TCHH: variants seen among roughly 807,000 people sequenced by gnomAD.
TCHH encodes the protein trichohyalin.
TCHH carries 6 observed loss-of-function variants against 6.3 expected under a neutral mutation model. The ratio of observed to expected loss-of-function variants is 0.95; its 90% CI spans 0.52 to 1.88. TCHH has a LOEUF of 1.88. Among genes scored for constraint, TCHH ranks in the 40% most tolerant of loss-of-function variants. The pLI, the probability that TCHH is intolerant of heterozygous loss-of-function variation, is 0.01. For synonymous variants in TCHH, 1,087 were observed against 963.6 expected, an observed-to-expected ratio of 1.13 and a Z score of -2.37; for missense variants, 2,920 against 2,449.1, an observed-to-expected ratio of 1.19 and a Z score of -4.06.
chr1:152,109,008 C>T lies in TCHH; in HGVS notation c.4209G>A (p.Glu1403=). The change falls in exon 3 of 3, where the codon GAG becomes GAA. Residue 1403 remains glutamate (E), a synonymous_variant. Coordinates refer to ENST00000614923, the MANE Select transcript of TCHH (RefSeq NM_007113.4). The part of the protein sequence containing the change: ...LKEEQQLRCQ[E]REQQLRQDRD... ...GGTCCTGACGCAGCTGTTGCTCGCG[C>T]TCCTGGCAGCGCAGCTGCTGTTCCT... 4 of 1,611,598 alleles carry T rather than the reference C, an allele frequency of 2.5e-6. No homozygotes were observed. Among genetic ancestry groups the T allele is most frequent in the Non-Finnish European group, 3.4e-6 (4 of 1,179,306 alleles).
chr1:152,108,470 A>G lies in TCHH; in HGVS notation c.4747T>C (p.Leu1583=). The change falls in exon 3 of 3, where the codon TTA becomes CTA. Residue 1583 remains leucine (L), a synonymous_variant. Coordinates refer to ENST00000614923, the MANE Select transcript of TCHH (RefSeq NM_007113.4). ...SRQERDRKFR[L]EEQKVRRQEQ... is the part of the protein sequence containing the mutation. ...TGGCGGCGCACTTTCTGTTCCTCTA[A>G]ACGGAATTTTCTGTCACGCTCTTGG... 6.8e-7 allele frequency: 1 copy of G among 1,468,428 alleles called. No individual in the cohort carries two copies. The highest frequency in any genetic ancestry group is 9.1e-7 in the Non-Finnish European group (1 of 1,101,438). The allele number at this position is 1,468,428 out of a possible 1,614,324, so 91.0% of individuals were successfully genotyped here. A position where few individuals can be genotyped will look rare whatever the true frequency, so the allele number is the denominator to read the frequency against.
Position 152,112,798 on chromosome 1 carries a change from T to G in TCHH, c.419A>C (p.Lys140Thr), listed in dbSNP as rs770478540. 4 of 1,614,012 alleles carry G rather than the reference T, an allele frequency of 2.5e-6. No homozygotes were observed. The highest frequency in any genetic ancestry group is 3.4e-6 in the Non-Finnish European group (4 of 1,180,004). ...EEEPGQRRRQKRQEQERELAE... is the reference protein window; with the variant it reads ...EEEPGQRRRQTRQEQERELAE... ...TAGCTCCCTCTCCTGTTCCTGCCTCTTCTGCCTGCGTCGTTGCCCAGGTTC... is the reference window on the plus strand; with the variant it reads ...TAGCTCCCTCTCCTGTTCCTGCCTCGTCTGCCTGCGTCGTTGCCCAGGTTC... The change falls in exon 3 of 3, where the codon AAG becomes ACG. Residue 140 changes from lysine (K) to threonine (T), a missense_variant. Physicochemically the swap from Lys to Thr is moderately conservative, Grantham distance 78. Transcript: ENST00000614923.
chr1:152,111,011 C>G lies in TCHH; in HGVS notation c.2206G>C (p.Glu736Gln). The G allele has an allele frequency of 6.2e-7, 1 of 1,613,640 alleles. No individual in the cohort carries two copies. The highest frequency in any genetic ancestry group is 8.5e-7 in the Non-Finnish European group (1 of 1,180,014). ...QEGQRRRQEQEEKRRRRESEL... is the reference protein window; with the variant it reads ...QEGQRRRQEQQEKRRRRESEL... ...CTCTCCCGGCGCCGCCTCTTTTCCTCCTGCTCTTGGCGGCGCCTCTGCCCT... is the reference window on the plus strand; with the variant it reads ...CTCTCCCGGCGCCGCCTCTTTTCCTGCTGCTCTTGGCGGCGCCTCTGCCCT... Residue 736 changes from glutamate to glutamine, a missense_variant, in exon 3 of 3, where the codon GAG becomes CAG. Glu to Gln is a conservative substitution (Grantham distance 29). Transcript: ENST00000614923.
chr1:152,109,269 C>G lies in TCHH; in HGVS notation c.3948G>C (p.Glu1316Asp). 1 of 1,614,220 alleles carries G rather than the reference C, an allele frequency of 6.2e-7. No individual in the cohort carries two copies. The highest frequency in any genetic ancestry group is 8.5e-7 in the Non-Finnish European group (1 of 1,180,046). Reference sequence around the variant, plus strand: ...TTTCCTCTCTCAGCAACTGCTTTTCCTCTTGGGACTTCCTGTCGCGCCTTT... The same window carrying G: ...TTTCCTCTCTCAGCAACTGCTTTTCGTCTTGGGACTTCCTGTCGCGCCTTT... ...EAKRRDRKSQ[E>D]EKQLLREERE... The change falls in exon 3 of 3, where the codon GAG (glutamate) becomes GAC (aspartate). Residue 1316 changes from glutamate to aspartate, a missense_variant. Physicochemically the swap from Glu to Asp is conservative, Grantham distance 45. Coordinates refer to ENST00000614923, the MANE Select transcript of TCHH (RefSeq NM_007113.4).
chr1:152,109,940 G>T lies in TCHH; in HGVS notation c.3277C>A (p.Leu1093Met). The change falls in exon 3 of 3, where the codon CTG becomes ATG. Residue 1093 changes from leucine (L) to methionine (M), a missense_variant. Physicochemically the swap from Leu to Met is conservative, Grantham distance 15. Transcript: ENST00000614923. The part of the protein sequence containing the change: ...EEELQQEEEQ[L>M]LREEPEKRRR... ...CTCTTCTCCGGTTCCTCTCTCAGCA[G>T]CTGCTCTTCCTCCTGCTGCAGCTCC... 2 of 1,582,158 alleles carry T rather than the reference G, an allele frequency of 1.3e-6. No homozygotes were observed. The highest frequency in any genetic ancestry group is 1.7e-6 in the Non-Finnish European group (2 of 1,166,586).
Position 152,111,557 on chromosome 1 carries a change from C to T in TCHH, c.1660G>A (p.Glu554Lys), listed in dbSNP as rs543956977. The T allele has an allele frequency of 2.3e-5, 36 of 1,597,350 alleles. No individual in the cohort carries two copies. In the South Asian group the frequency reaches 3.6e-4, roughly 16 times the overall value. Residue 554 changes from glutamate to lysine, a missense_variant, in exon 3 of 3, where the codon GAG (glutamate) becomes AAG (lysine). By Grantham distance (56) the Glu-to-Lys change is moderately conservative. Coordinates refer to ENST00000614923, the MANE Select transcript of TCHH (RefSeq NM_007113.4). ...ERREQLLKRE[E>K]EKRLEQERRE... ...CTCTCCTGCTCGAGCCTCTTCTCCTCCTCGCGCTTCAGCAGCTGCTCGCGC... is the reference window on the plus strand; with the variant it reads ...CTCTCCTGCTCGAGCCTCTTCTCCTTCTCGCGCTTCAGCAGCTGCTCGCGC...
chr1:152,109,083 C>T lies in TCHH; in HGVS notation c.4134G>A (p.Glu1378=), dbSNP rs1441810150. The T allele has an allele frequency of 1.9e-6, 3 of 1,613,432 alleles. No homozygotes were observed. The highest frequency in any genetic ancestry group is 1.7e-6 in the Non-Finnish European group (2 of 1,179,886). Residue 1378 remains glutamate, a synonymous_variant, in exon 3 of 3, where the codon GAG becomes GAA. Transcript: ENST00000614923. ...RHQEQGRKFL[E]EEQRLRRQER... ...CCTGGCGGCGCAGCCGCTGTTCCTC[C>T]TCGAGGAATTTTCTCCCTTGTTCCT...
In TCHH at chr1:152,107,504, C is replaced by T; in HGVS notation, c.5713G>A (p.Glu1905Lys). 1.2e-6 allele frequency: 2 copies of T among 1,614,222 alleles called. No individual in the cohort carries two copies. The highest frequency in any genetic ancestry group is 8.5e-7 in the Non-Finnish European group (1 of 1,180,044). Residue 1905 changes from glutamate (E) to lysine (K), a missense_variant, in exon 3 of 3, where the codon GAA (glutamate) becomes AAA (lysine). Transcript: ENST00000614923. ...AGAAGCCGCCCATGGCCCTTCCCTTCTTGGGATTTTATCTCCCCGACTTGG... is the reference window on the plus strand; with the variant it reads ...AGAAGCCGCCCATGGCCCTTCCCTTTTTGGGATTTTATCTCCCCGACTTGG... The part of the protein sequence containing the change: ...HRQVGEIKSQ[E>K]GKGHGRLLEP...
At position 152,111,767 on chromosome 1, in the gene TCHH, T is replaced by TCTC. The variant is rs753310394; in HGVS notation, c.1447_1449dup (p.Glu483dup). The stretch of plus-strand genomic sequence containing the variant: ...TCGAGCTTCAGCCAACGTTCGCGCC[T>TCTC]CTCCTCCTCCTGGTCGCGCTTCAGC... On this transcript the variant is annotated inframe_insertion, in exon 3 of 3. Coordinates refer to ENST00000614923, the MANE Select transcript of TCHH (RefSeq NM_007113.4). 121 of 1,547,872 alleles carry TCTC rather than the reference T, an allele frequency of 7.8e-5. No individual in the cohort carries two copies. The highest frequency in any genetic ancestry group is 1.0e-4 in the Non-Finnish European group (115 of 1,147,730).
chr1:152,110,088 G>C lies in TCHH; in HGVS notation c.3129C>G (p.Leu1043=), dbSNP rs1456822853. ...LLREEREKRR[L]QERERQYREE... is the part of the protein sequence containing the mutation. ...CCCGATATTGCCTCTCCCGCTCCTG[G>C]AGTCTTCTTTTCTCCCGTTCCTCTC... The change falls in exon 3 of 3, where the codon CTC becomes CTG. Residue 1043 remains leucine, a synonymous_variant. Transcript: ENST00000614923. 6.2e-7 allele frequency: 1 copy of C among 1,609,710 alleles called. No homozygotes were observed. Among genetic ancestry groups the C allele is most frequent in the Non-Finnish European group, 8.5e-7 (1 of 1,178,642 alleles).
rs1433757893 is a variant in TCHH at position 152,109,518 on chromosome 1, A to G, written c.3699T>C (p.Asn1233=). 8 of 1,614,178 alleles carry G rather than the reference A, an allele frequency of 5.0e-6. No homozygotes were observed. Among genetic ancestry groups the G allele is most frequent in the Non-Finnish European group, 6.8e-6 (8 of 1,180,040 alleles). Residue 1233 remains asparagine, a synonymous_variant, in exon 3 of 3, where the codon AAT becomes AAC. Transcript: ENST00000614923. The part of the protein sequence containing the change: ...LKWQWEPEKE[N]AVRDNKVYCK... Reference sequence around the variant, plus strand: ...AGTAAACCTTGTTATCACGAACTGCATTTTCTTTTTCTGGTTCCCACTGCC... The same window carrying G: ...AGTAAACCTTGTTATCACGAACTGCGTTTTCTTTTTCTGGTTCCCACTGCC...
At chr1:152,114,290 A>T (rs969232680) in intron 1 of TCHH, among the ~76,000 whole-genome samples, 179 bp from the exon 2 acceptor site, 34 of 152,228 alleles carry the variant, frequency 2.2e-4, no homozygotes, top group African/African-American at 8.0e-4. Flanking sequence ...AGCGATCCTG[A>T]GAAATTCCAA....
Position 152,110,141 on chromosome 1 carries a change from G to C in TCHH, c.3076C>G (p.Leu1026Val), listed in dbSNP as rs756048848. Residue 1026 changes from leucine to valine, a missense_variant, in exon 3 of 3, where the codon CTG becomes GTG. By Grantham distance (32) the Leu-to-Val change is conservative (BLOSUM62 1). Transcript: ENST00000614923. ...WERQYRKKDELQQEEEQLLRE... is the reference protein window; with the variant it reads ...WERQYRKKDEVQQEEEQLLRE... The stretch of plus-strand genomic sequence containing the variant: ...AGCAGCTGCTCTTCTTCCTGCTGCA[G>C]CTCGTCTTTTTTGCGGTACTGCCTC... 2.5e-6 allele frequency: 4 copies of C among 1,605,950 alleles called. No homozygotes were observed. The Admixed American group carries it at 5.1e-5, about 20-fold the overall frequency.
chr1:152,110,625 T>C lies in TCHH; in HGVS notation c.2592A>G (p.Arg864=), dbSNP rs372498882. 6 of 1,612,970 alleles carry C rather than the reference T, an allele frequency of 3.7e-6. No homozygotes were observed. The highest frequency in any genetic ancestry group is 5.1e-6 in the Non-Finnish European group (6 of 1,179,758). Residue 864 remains arginine, a synonymous_variant, in exon 3 of 3, where the codon CGA becomes CGG. Coordinates refer to ENST00000614923, the MANE Select transcript of TCHH (RefSeq NM_007113.4). Reference sequence around the variant, plus strand: ...TTTGGTCGCGGCGCTGCTCCTGGCTTCGCCTCCTCTCCTGATCCTCCTGGA... The same window carrying C: ...TTTGGTCGCGGCGCTGCTCCTGGCTCCGCCTCCTCTCCTGATCCTCCTGGA... ...DGLQEDQERR[R]SQEQRRDQKW... is the part of the protein sequence containing the mutation.
At position 152,108,770 on chromosome 1, in the gene TCHH, G is replaced by C. The variant is rs765371735; in HGVS notation, c.4447C>G (p.Arg1483Gly). 5.0e-6 allele frequency: 8 copies of C among 1,612,740 alleles called. No homozygotes were observed. Among genetic ancestry groups the C allele is most frequent in the Non-Finnish European group, 6.8e-6 (8 of 1,179,808 alleles). ...REEQQLHRQE[R>G]DRKFLEEEQQ... ...TCCTCCTCCAGGAATTTTCTGTCAC[G>C]CTCTTGGCGGTGCAGCTGCTGTTCT... The change falls in exon 3 of 3, where the codon CGT becomes GGT. Residue 1483 changes from arginine to glycine, a missense_variant. Physicochemically the swap from Arg to Gly is moderately radical, Grantham distance 125. Coordinates refer to ENST00000614923, the MANE Select transcript of TCHH (RefSeq NM_007113.4).
chr1:152,110,127 T>G lies in TCHH; in HGVS notation c.3090A>C (p.Glu1030Asp). The G allele has an allele frequency of 6.2e-7, 1 of 1,610,970 alleles. No individual in the cohort carries two copies. The highest frequency in any genetic ancestry group is 1.7e-5 in the Admixed American group (1 of 59,712). The change falls in exon 3 of 3, where the codon GAA (glutamate) becomes GAC (aspartate). Residue 1030 changes from glutamate to aspartate, a missense_variant. Coordinates refer to ENST00000614923, the MANE Select transcript of TCHH (RefSeq NM_007113.4). ...YRKKDELQQE[E>D]EQLLREEREK... ...CCCGTTCCTCTCTCAGCAGCTGCTC[T>G]TCTTCCTGCTGCAGCTCGTCTTTTT... is the stretch of plus-strand genomic sequence containing the variant.
chr1:152,114,109 A>G lies in TCHH; in HGVS notation c.-29T>C, dbSNP rs772328867. 6.4e-7 allele frequency: 1 copy of G among 1,574,718 alleles called. No individual in the cohort carries two copies. The highest frequency in any genetic ancestry group is 2.2e-5 in the East Asian group (1 of 44,516). On this transcript the variant is annotated splice_region_variant and 5_prime_UTR_variant, in exon 2 of 3. Coordinates refer to ENST00000614923, the MANE Select transcript of TCHH (RefSeq NM_007113.4). Reference sequence around the variant, plus strand: ...TTTTTCTTTCCTTCAAGTTCAAGTAAACCTAGAACAATAAAATAAGATCCA... The same window carrying G: ...TTTTTCTTTCCTTCAAGTTCAAGTAGACCTAGAACAATAAAATAAGATCCA...
rs555087594 is a variant in TCHH, at chr1:152,111,552, C to T, written c.1665G>A (p.Glu555=). The T allele has an allele frequency of 6.2e-6, 10 of 1,601,252 alleles. No homozygotes were observed. The South Asian group carries it at 9.9e-5, about 16-fold the overall frequency. ...CTCGCCTCTCCTGCTCGAGCCTCTTCTCCTCCTCGCGCTTCAGCAGCTGCT... is the reference window on the plus strand; with the variant it reads ...CTCGCCTCTCCTGCTCGAGCCTCTTTTCCTCCTCGCGCTTCAGCAGCTGCT... The part of the protein sequence containing the change: ...RREQLLKREE[E]KRLEQERREQ... The change falls in exon 3 of 3, where the codon GAG becomes GAA. Residue 555 remains glutamate, a synonymous_variant. Coordinates refer to ENST00000614923, the MANE Select transcript of TCHH (RefSeq NM_007113.4).
In TCHH at chr1:152,107,265, A is replaced by G. The variant is rs979265145; in HGVS notation, c.*120T>C. The G allele has an allele frequency of 9.4e-6, 10 of 1,063,462 alleles. No homozygotes were observed. The highest frequency in any genetic ancestry group is 1.3e-5 in the Non-Finnish European group (10 of 747,532). The allele number at this position is 1,063,462 out of a possible 1,614,324, so 65.9% of individuals were successfully genotyped here. A position where few individuals can be genotyped will look rare whatever the true frequency, so the allele number is the denominator to read the frequency against. On this transcript the variant is annotated 3_prime_UTR_variant, in exon 3 of 3. Transcript: ENST00000614923. ...AGTTTAAGATTTTGGAAGAAAAGACATTCTAATATCAGAGAGTTTTCCCAC... is the reference window on the plus strand; with the variant it reads ...AGTTTAAGATTTTGGAAGAAAAGACGTTCTAATATCAGAGAGTTTTCCCAC...
Sources: allele counts gnomAD v4.1 joint callset (sites outside exome capture counted in the v4.1 genomes callset), GRCh38; gene constraint gnomAD v4.1.1; transcripts MANE v1.5; gene names NCBI Gene and HGNC (gene_info 2026-07-23, HGNC 2026-07-21).